Variants in PCSK2 observed in about 807,000 individuals in gnomAD.
PCSK2 encodes the protein neuroendocrine convertase 2.
Under a neutral mutation model 69.7 loss-of-function variants are expected in PCSK2, and 14 were observed. That is an observed-to-expected ratio of 0.20 (90% CI 0.13 to 0.31). PCSK2 has a LOEUF of 0.31. Among genes scored for constraint, PCSK2 ranks in the 10% least tolerant of loss-of-function variants. PCSK2 has a pLI of 1.00. For synonymous variants in PCSK2, 307 were observed against 320.7 expected (o/e 0.96, Z 0.46); for missense variants, 544 against 842.5 (o/e 0.65, Z 4.39).
At chr20:17,397,672 T>C (rs6044781) in intron 5 of PCSK2, among the ~76,000 whole-genome samples, 52,480 of 151,732 alleles carry the variant, frequency 0.35, 9,322 homozygotes, top group East Asian at 0.51. Flanking sequence ...AGAGATGGGG[T>C]TTCACCATCT....
rs61156656 is a variant in PCSK2, at chr20:17,450,017, C to CTTTTTTTT, written c.886-3702_886-3695dup. ...TTTTTAAGTTTGTTGAATTTCTTCC[C>CTTTTTTTT]TTTTTTTTTTTTTTTTTTTTTTTTT... On this transcript the variant is annotated intron_variant, in intron 8 of 11. Transcript: ENST00000262545. 2.7e-4 allele frequency among the ~76,000 whole-genome samples: 17 copies of CTTTTTTTT among 61,834 alleles called. 5 individuals are homozygous for CTTTTTTTT. The highest frequency in any genetic ancestry group is 4.6e-4 in the Non-Finnish European group (16 of 34,974). 40.6% of individuals were successfully genotyped at this position (61,834 alleles called of 152,430 possible). A position where few individuals can be genotyped will look rare whatever the true frequency, so the allele number is the denominator to read the frequency against.
chr20:17,456,433 T>C lies in PCSK2; in HGVS notation c.1187T>C (p.Leu396Pro). ...AAPEAAGVFA[L>P]ALEANLGLTW... Reference sequence around the variant, plus strand: ...CCCGAGGCAGCTGGTGTGTTTGCACTGGCTCTGGAGGCTAAGTATGTTCAT... The same window carrying C: ...CCCGAGGCAGCTGGTGTGTTTGCACCGGCTCTGGAGGCTAAGTATGTTCAT... The change falls in exon 10 of 12, where the codon CTG (leucine) becomes CCG (proline). Residue 396 changes from leucine (L) to proline (P), a missense_variant. By Grantham distance (98) the Leu-to-Pro change is moderately conservative (BLOSUM62 -3). Transcript: ENST00000262545. 1 of 1,599,166 alleles carries C rather than the reference T, an allele frequency of 6.3e-7. No homozygotes were observed. The highest frequency in any genetic ancestry group is 8.6e-7 in the Non-Finnish European group (1 of 1,166,256).
chr20:17,357,474 C>A (rs1187987250), intron 2 of PCSK2, among the ~76,000 whole-genome samples: 1 of 152,218 alleles, frequency 6.6e-6, no homozygotes, highest in Non-Finnish European at 1.5e-5. Flanking sequence ...GGGAAGCCAT[C>A]CAGAAAAATT....
intron 5 of PCSK2, among the ~76,000 whole-genome samples, chr20:17,402,858 G>A (rs1447147349): frequency 6.6e-6 from 1 of 152,074 alleles, no homozygotes; most frequent in Admixed American, 6.5e-5. Flanking sequence ...TCGGGAGGCT[G>A]AGGCGGGAGA....
At chr20:17,360,336 C>CAAA (rs11087204) in intron 3 of PCSK2, among the ~76,000 whole-genome samples, 196 bp from the exon 4 acceptor site, 30 of 145,188 alleles carry the variant, frequency 2.1e-4, no homozygotes, top group Non-Finnish European at 2.6e-4. Context: ...GTGTTTATAC[C>CAAA]AAAAAAAAAA....
intron 1 of PCSK2, among the ~76,000 whole-genome samples, chr20:17,253,854 T>C (rs1332504962): frequency 6.6e-6 from 1 of 152,212 alleles, no homozygotes; most frequent in Non-Finnish European, 1.5e-5. Flanking sequence ...AATTCCTCCC[T>C]ATCCAGGTCA....
rs778000549 is a variant in PCSK2, at chr20:17,345,276, TG to T, written c.283-13050del. Reference sequence around the variant, plus strand: ...CCACTCTGACGATGAAATGATTTCATGAATATATTGACCATTATAATTATAG... The same window carrying T: ...CCACTCTGACGATGAAATGATTTCATAATATATTGACCATTATAATTATAG... On this transcript the variant is annotated intron_variant, in intron 2 of 11. Transcript: ENST00000262545. Among the ~76,000 whole-genome samples the T allele has an allele frequency of 1.3e-3, 201 of 152,230 alleles. 2 individuals carry two copies. The highest frequency in any genetic ancestry group is 2.5e-3 in the Non-Finnish European group (171 of 68,040).
At chr20:17,476,170 A>G (rs917128347) in intron 11 of PCSK2, among the ~76,000 whole-genome samples, 1 of 152,190 alleles carries the variant, frequency 6.6e-6, no homozygotes, top group African/African-American at 2.4e-5. Context: ...ACAAAGCTGC[A>G]GTTTCCCCAA....
chr20:17,274,489 G>A (rs139744002), intron 2 of PCSK2, among the ~76,000 whole-genome samples: 80 of 152,264 alleles, frequency 5.3e-4, no homozygotes, highest in African/African-American at 1.9e-3. Context: ...TGACCTGGTA[G>A]CTTCTACTCC....
chr20:17,252,937 A>C (rs966467578), intron 1 of PCSK2, among the ~76,000 whole-genome samples: 1 of 152,268 alleles, frequency 6.6e-6, no homozygotes, highest in East Asian at 1.9e-4. Context: ...AATTGGCTGC[A>C]GTTAAAATAT....
intron 2 of PCSK2, among the ~76,000 whole-genome samples, chr20:17,261,249 C>T (rs1987372624): frequency 6.6e-6 from 1 of 152,214 alleles, no homozygotes; most frequent in African/African-American, 2.4e-5. Flanking sequence ...ACCTCTTTCT[C>T]AGGACTCTCA....
At chr20:17,348,050 G>GGAAAGAAAGAAAGAAAGAAAGAAA (rs200387593) in intron 2 of PCSK2, among the ~76,000 whole-genome samples, 1 of 86,826 alleles carries the variant, frequency 1.2e-5, no homozygotes, top group Non-Finnish European at 2.5e-5. Context: ...AAGAAAGAAA[G>GGAAAGAAAGAAAGAAAGAAAGAAA]GAAAGAAAGA....
chr20:17,450,260 C>G lies in PCSK2; in HGVS notation c.886-3482C>G, dbSNP rs187744157. ...AGCCAGGATGGTCTCGATCTCCTGA[C>G]CTCGTGATCCGCCCACCTCGGCCTC... On this transcript the variant is annotated intron_variant, in intron 8 of 11. Coordinates refer to ENST00000262545, the MANE Select transcript of PCSK2 (RefSeq NM_002594.5). 1.3e-3 allele frequency among the ~76,000 whole-genome samples: 204 copies of G among 151,478 alleles called. 1 individual carries two copies. The highest frequency in any genetic ancestry group is 4.6e-3 in the African/African-American group (192 of 41,292).
At chr20:17,298,870 C>T (rs956578522) in intron 2 of PCSK2, among the ~76,000 whole-genome samples, 4 of 152,016 alleles carry the variant, frequency 2.6e-5, no homozygotes, top group African/African-American at 4.8e-5. Flanking sequence ...AGATGTTTTC[C>T]CTCATATATT....
intron 2 of PCSK2, among the ~76,000 whole-genome samples, chr20:17,311,001 CAAA>C (rs113825389): frequency 2.7e-5 from 3 of 112,488 alleles, no homozygotes; most frequent in Non-Finnish European, 1.8e-5. Flanking sequence ...GACTCCGTCT[CAAA>C]AAAAAAAAAA....
In PCSK2 at chr20:17,465,327, C is replaced by G; in HGVS notation, c.1204C>G (p.Leu402Val). Residue 402 changes from leucine to valine, a missense_variant and splice_region_variant, in exon 11 of 12, where the codon CTG becomes GTG. Around this residue, in one of 3 missense-constraint regions of PCSK2, gnomAD observed 187 missense variants for 399.8 expected, o/e 0.47. Coordinates refer to ENST00000262545, the MANE Select transcript of PCSK2 (RefSeq NM_002594.5). Reference sequence around the variant, plus strand: ...TTGCTCTCTGCTTCCTGTATCCAGCCTGGGTCTGACCTGGCGGGACATGCA... The same window carrying G: ...TTGCTCTCTGCTTCCTGTATCCAGCGTGGGTCTGACCTGGCGGGACATGCA... ...GVFALALEAN[L>V]GLTWRDMQHL... 6.2e-7 allele frequency: 1 copy of G among 1,613,600 alleles called. No homozygotes were observed. The highest frequency in any genetic ancestry group is 8.5e-7 in the Non-Finnish European group (1 of 1,179,582).
intron 6 of PCSK2, among the ~76,000 whole-genome samples, chr20:17,419,349 C>T (rs565890891): frequency 2.6e-5 from 4 of 152,286 alleles, no homozygotes; most frequent in Admixed American, 6.5e-5. Flanking sequence ...AGTATCTGAG[C>T]TCCAGGGATG....
At chr20:17,368,269 C>T (rs1483092380) in intron 4 of PCSK2, among the ~76,000 whole-genome samples, 3 of 152,152 alleles carry the variant, frequency 2.0e-5, no homozygotes, top group Non-Finnish European at 4.4e-5. Flanking sequence ...CTGGGCCAAG[C>T]ATACCACATG....
At chr20:17,398,638 T>C (rs1311572479) in intron 5 of PCSK2, among the ~76,000 whole-genome samples, 3 of 151,966 alleles carry the variant, frequency 2.0e-5, no homozygotes, top group African/African-American at 7.3e-5. Context: ...ACAGATCACA[T>C]TTTAAGCCAC....
Sources: gnomAD v4.1 joint callset for allele counts (sites outside exome capture counted in the v4.1 genomes callset) on GRCh38, gnomAD v4.1.1 for gene constraint, gnomAD v4.1.1 regional missense constraint, MANE v1.5 for transcripts, NCBI Gene and HGNC (gene_info 2026-07-23, HGNC 2026-07-21) for gene names.